Variants in SLIT2 observed in about 807,000 individuals in gnomAD.
SLIT2 encodes the protein slit guidance ligand 2, also known as slit homolog 2 protein.
In SLIT2, 41 loss-of-function variants were observed where a neutral mutation model predicts 185.7. The observed-to-expected ratio is 0.22, with a 90% CI of 0.17 to 0.29. SLIT2 has a LOEUF of 0.29. Among genes scored for constraint, SLIT2 ranks in the 10% least tolerant of loss-of-function variants. The pLI is 1.00. For synonymous variants in SLIT2, 693 were observed against 680.2 expected, an observed-to-expected ratio of 1.02 and a Z score of -0.29; for missense variants, 1,571 against 1,909.0, an observed-to-expected ratio of 0.82 and a Z score of 3.30.
chr4:20,377,644 A>G (rs1042235759), intron 4 of SLIT2, among the ~76,000 whole-genome samples: 2 of 152,100 alleles, frequency 1.3e-5, no homozygotes, highest in Admixed American at 6.6e-5. Flanking sequence ...CTTTGTAACA[A>G]TGGAAACCTA....
intron 4 of SLIT2, among the ~76,000 whole-genome samples, chr4:20,452,525 G>A (rs1712582506): frequency 6.6e-6 from 1 of 152,052 alleles, no homozygotes; most frequent in African/African-American, 2.4e-5. Context: ...GTTGTTCTTT[G>A]TTGTATGTTC....
Position 20,252,005 on chromosome 4 carries a change from CG to C in SLIT2, c.-1809del, listed in dbSNP as rs1210330329. The stretch of plus-strand genomic sequence containing the variant: ...GTGGTTAAAAAAAAGAAGGCGGCGG[CG>C]GCGGCGGCGGCGGAGGCGGAGGCAG... On this transcript the variant is annotated 5_prime_UTR_variant, in exon 1 of 37. Transcript: ENST00000504154. Among the ~76,000 whole-genome samples, 2 of 151,954 alleles carry C rather than the reference CG, an allele frequency of 1.3e-5. No homozygotes were observed. Among genetic ancestry groups the C allele is most frequent in the Non-Finnish European group, 2.9e-5 (2 of 67,956 alleles).
chr4:20,346,639 C>T (rs1442625711), intron 4 of SLIT2, among the ~76,000 whole-genome samples: 1 of 152,166 alleles, frequency 6.6e-6, no homozygotes, highest in Non-Finnish European at 1.5e-5. Flanking sequence ...AGGCTGTCTG[C>T]AAGTCGAGAA....
At chr4:20,404,363 C>T (rs1726600493) in intron 4 of SLIT2, among the ~76,000 whole-genome samples, 1 of 151,804 alleles carries the variant, frequency 6.6e-6, no homozygotes, top group South Asian at 2.1e-4. Context: ...TCATTATAAA[C>T]TCTTGCTCTG....
intron 4 of SLIT2, among the ~76,000 whole-genome samples, chr4:20,463,252 C>G (rs1221042352): frequency 1.3e-5 from 2 of 151,728 alleles, no homozygotes; most frequent in Non-Finnish European, 2.9e-5. Flanking sequence ...CTTTCCCCAG[C>G]GTTGAAGGCT....
intron 5 of SLIT2, among the ~76,000 whole-genome samples, chr4:20,476,964 T>G (rs1716168881): frequency 6.6e-6 from 1 of 152,078 alleles, no homozygotes; most frequent in African/African-American, 2.4e-5. Flanking sequence ...CTAGGATAAA[T>G]TATTTTTAGT....
intron 4 of SLIT2, among the ~76,000 whole-genome samples, chr4:20,366,429 A>T (rs566502996): frequency 6.6e-6 from 1 of 152,136 alleles, no homozygotes; most frequent in Non-Finnish European, 1.5e-5. Context: ...TTTTTGACCA[A>T]TCCTACCATG....
intron 4 of SLIT2, among the ~76,000 whole-genome samples, chr4:20,390,874 A>G (rs1417833425): frequency 6.6e-6 from 1 of 151,886 alleles, no homozygotes; most frequent in Non-Finnish European, 1.5e-5. Flanking sequence ...TTCATTACTT[A>G]ATTGTATGCT....
At chr4:20,465,916 T>C (rs1714291917) in intron 4 of SLIT2, among the ~76,000 whole-genome samples, 1 of 150,556 alleles carries the variant, frequency 6.6e-6, no homozygotes, top group Admixed American at 6.6e-5. Flanking sequence ...AGGTAAAGTC[T>C]GGAGCAAACA....
At chr4:20,257,812 A>G in intron 2 of SLIT2, 56 bp from the exon 3 acceptor site, 1 of 883,422 alleles carries the variant, frequency 1.1e-6, no homozygotes, top group Non-Finnish European at 1.9e-6. Flanking sequence ...CTGAATTGAA[A>G]TTTATTCAGA....
At chr4:20,546,263 TGA>T (rs892782189) in intron 22 of SLIT2, among the ~76,000 whole-genome samples, 164 bp downstream of exon 22, 18 of 152,110 alleles carry the variant, frequency 1.2e-4, no homozygotes, top group Admixed American at 1.3e-4. Flanking sequence ...ACATCTTCAT[TGA>T]ATATCGATCA....
intron 4 of SLIT2, among the ~76,000 whole-genome samples, chr4:20,334,649 A>G (rs1352967193): frequency 1.3e-5 from 2 of 152,150 alleles, no homozygotes; most frequent in Admixed American, 6.5e-5. Flanking sequence ...CCCTGAGGTA[A>G]AAAAGTCCAT....
chr4:20,523,149 T>A lies in SLIT2; in HGVS notation c.1131-611T>A, dbSNP rs540116808. On this transcript the variant is annotated intron_variant, in intron 12 of 36. Transcript: ENST00000504154. ...ATTTCAGACAAAGAATAGGAGAGCC[T>A]GGTGTGTTTAAGAAAGGCAAGGAGA... is the stretch of plus-strand genomic sequence containing the variant. 5.3e-5 allele frequency among the ~76,000 whole-genome samples: 8 copies of A among 152,138 alleles called. No homozygotes were observed. The South Asian group carries it at 1.7e-3, about 32-fold the overall frequency.
chr4:20,273,155 T>C (rs560510128), intron 4 of SLIT2, among the ~76,000 whole-genome samples: 8 of 152,136 alleles, frequency 5.3e-5, no homozygotes, highest in Non-Finnish European at 1.5e-5. Context: ...AATTAAGCTG[T>C]CTTTATTTTC....
chr4:20,502,993 C>A (rs1718878029), intron 9 of SLIT2, among the ~76,000 whole-genome samples: 1 of 152,078 alleles, frequency 6.6e-6, no homozygotes, highest in Non-Finnish European at 1.5e-5. Flanking sequence ...TCCCCTAAAA[C>A]TTCTATGGGA....
chr4:20,335,245 A>G (rs1720396753), intron 4 of SLIT2, among the ~76,000 whole-genome samples: 1 of 152,154 alleles, frequency 6.6e-6, no homozygotes, highest in Non-Finnish European at 1.5e-5. Context: ...AGTCAGGATT[A>G]TGGTGCACAA....
chr4:20,331,664 C>A (rs1312557282), intron 4 of SLIT2, among the ~76,000 whole-genome samples: 1 of 151,928 alleles, frequency 6.6e-6, no homozygotes, highest in Non-Finnish European at 1.5e-5. Context: ...AAAATTCAGC[C>A]TTTTAGAGTA....
chr4:20,519,482 G>A (rs767593765), intron 12 of SLIT2, 29 bp downstream of exon 12: 51 of 1,333,278 alleles, frequency 3.8e-5, no homozygotes, highest in Non-Finnish European at 5.4e-5. Flanking sequence ...TGGATCTCTC[G>A]AGCCTAATAA....
intron 34 of SLIT2, 83 bp downstream of exon 34, chr4:20,610,250 T>C (rs772835861): frequency 4.6e-5 from 56 of 1,216,210 alleles, no homozygotes; most frequent in Non-Finnish European, 6.1e-5. Flanking sequence ...TAATGCCTAA[T>C]ATATCAGGAT....
Sources: gnomAD v4.1 joint callset for allele counts (sites outside exome capture counted in the v4.1 genomes callset) on GRCh38, gnomAD v4.1.1 for gene constraint, MANE v1.5 for transcripts, NCBI Gene and HGNC (gene_info 2026-07-23, HGNC 2026-07-21) for gene names.